The following DENND1A variants were observed in gnomAD, a reference collection of about 807,000 sequenced individuals.
The protein encoded by DENND1A is DENN domain-containing protein 1A.
DENND1A carries 51 observed loss-of-function variants against 113.7 expected under a neutral mutation model. That is an observed-to-expected ratio of 0.45 (90% confidence interval 0.36 to 0.57). The LOEUF is 0.57. Ranked by LOEUF, DENND1A falls within the 20% of genes least tolerant of loss-of-function variation. The probability of loss-of-function intolerance (pLI) is 0.00; values close to 1 mark genes in which losing one functional copy is unlikely to be tolerated. For missense variants in DENND1A, 1,258 were observed against 1,395.9 expected, an observed-to-expected ratio of 0.90 and a Z score of 1.57; for synonymous variants, 565 against 570.8, an observed-to-expected ratio of 0.99 and a Z score of 0.14.
At chr9:123,585,568 G>T (rs1310747767) in intron 11 of DENND1A, among the ~76,000 whole-genome samples, 1 of 152,204 alleles carries the variant, frequency 6.6e-6, no homozygotes, top group East Asian at 1.9e-4. Flanking sequence ...GGACTCTCTA[G>T]CTGGCTCACT....
In DENND1A at chr9:123,434,634, C is replaced by T. The variant is rs762707357; in HGVS notation, c.1488+5726G>A. Among the ~76,000 whole-genome samples, 12 of 152,258 alleles carry T rather than the reference C, an allele frequency of 7.9e-5. 1 individual carries two copies. Among genetic ancestry groups the T allele is most frequent in the Admixed American group, 3.9e-4 (6 of 15,298 alleles). On this transcript the variant is annotated intron_variant, in intron 19 of 23. Transcript: ENST00000394215. ...AATTGCAGGGCTGCGTGACAAGCGG[C>T]GTGTGCATAGTCCTGGGGTAGCACG...
chr9:123,758,462 G>A (rs1365799578), intron 4 of DENND1A, among the ~76,000 whole-genome samples: 1 of 152,176 alleles, frequency 6.6e-6, no homozygotes, highest in African/African-American at 2.4e-5. Context: ...CTTAGTAACT[G>A]AATCACGTTC....
chr9:123,876,461 T>C (rs948440827), intron 2 of DENND1A, among the ~76,000 whole-genome samples: 8 of 152,218 alleles, frequency 5.3e-5, no homozygotes, highest in Admixed American at 6.5e-5. Flanking sequence ...TCTTAGGAGA[T>C]ATATCCAGAA....
At chr9:123,425,104 G>A (rs1420049030) in intron 19 of DENND1A, among the ~76,000 whole-genome samples, 4 of 152,202 alleles carry the variant, frequency 2.6e-5, no homozygotes, top group Non-Finnish European at 5.9e-5. Flanking sequence ...GACTCTCTAA[G>A]GTGATCTCGC....
intron 9 of DENND1A, among the ~76,000 whole-genome samples, chr9:123,643,259 T>G (rs1036056283): frequency 6.6e-6 from 1 of 152,168 alleles, no homozygotes; most frequent in Admixed American, 6.5e-5. Flanking sequence ...GGTGCCAGTT[T>G]ATTTTTTTTG....
intron 13 of DENND1A, among the ~76,000 whole-genome samples, chr9:123,489,759 T>G (rs1284800215): frequency 6.6e-6 from 1 of 152,208 alleles, no homozygotes; most frequent in Non-Finnish European, 1.5e-5. Flanking sequence ...CAAGCTGGTG[T>G]CAGTGAGATA....
chr9:123,480,076 T>C (rs370550713), intron 13 of DENND1A, among the ~76,000 whole-genome samples: 22 of 152,216 alleles, frequency 1.4e-4, no homozygotes, highest in African/African-American at 5.3e-4. Flanking sequence ...AAATACAAAA[T>C]AACAGACCTT....
At chr9:123,688,481 GT>G (rs1342952185) in intron 5 of DENND1A, among the ~76,000 whole-genome samples, 7 of 152,172 alleles carry the variant, frequency 4.6e-5, no homozygotes, top group Non-Finnish European at 7.3e-5. Flanking sequence ...TTGGTCCCTG[GT>G]TTAGATTTGT....
chr9:123,761,331 A>C (rs1449014013), intron 4 of DENND1A, among the ~76,000 whole-genome samples: 2 of 152,244 alleles, frequency 1.3e-5, no homozygotes, highest in African/African-American at 4.8e-5. Flanking sequence ...GAATAAATGG[A>C]AAAGAATTTA....
chr9:123,609,288 C>T (rs1295635721), intron 11 of DENND1A, 148 bp downstream of exon 11: 16 of 709,606 alleles, frequency 2.3e-5, no homozygotes, highest in Admixed American at 3.8e-5. Context: ...GCGTCCAAAC[C>T]GAACGCTCAG....
At chr9:123,456,282 C>A (rs927431500) in intron 15 of DENND1A, among the ~76,000 whole-genome samples, 1 of 152,122 alleles carries the variant, frequency 6.6e-6, no homozygotes, top group Non-Finnish European at 1.5e-5. Context: ...GGCACACACC[C>A]AGCAATAAAA....
chr9:123,657,547 G>A (rs2063020635), intron 8 of DENND1A, among the ~76,000 whole-genome samples: 1 of 152,098 alleles, frequency 6.6e-6, no homozygotes, highest in South Asian at 2.1e-4. Flanking sequence ...TGGAGCCTTC[G>A]AAACAGATGC....
intron 5 of DENND1A, among the ~76,000 whole-genome samples, chr9:123,686,967 G>A (rs1226184222): frequency 6.6e-6 from 1 of 152,130 alleles, no homozygotes; most frequent in South Asian, 2.1e-4. Context: ...CTCTATAAAA[G>A]TGTCTGGCTG....
intron 16 of DENND1A, among the ~76,000 whole-genome samples, chr9:123,452,771 G>A (rs1187681708): frequency 6.6e-6 from 1 of 152,126 alleles, no homozygotes; most frequent in African/African-American, 2.4e-5. Context: ...ACCAAGCCGG[G>A]GCAGAAAGTG....
At chr9:123,435,839 C>T (rs1001718527) in intron 19 of DENND1A, among the ~76,000 whole-genome samples, 3 of 152,216 alleles carry the variant, frequency 2.0e-5, no homozygotes, top group Non-Finnish European at 4.4e-5. Flanking sequence ...CTACTCATTC[C>T]AGCAACGCCG....
intron 5 of DENND1A, among the ~76,000 whole-genome samples, chr9:123,750,726 G>A (rs929507405): frequency 6.6e-6 from 1 of 152,222 alleles, no homozygotes; most frequent in Non-Finnish European, 1.5e-5. Context: ...TAAACGGTAT[G>A]AAAGACCCAG....
At chr9:123,535,065 C>T (rs2055629159) in intron 13 of DENND1A, among the ~76,000 whole-genome samples, 1 of 152,092 alleles carries the variant, frequency 6.6e-6, no homozygotes, top group Non-Finnish European at 1.5e-5. Context: ...ATCCTGTCAC[C>T]TCTACCCAAA....
chr9:123,803,683 T>C (rs1235154551), intron 2 of DENND1A, among the ~76,000 whole-genome samples: 1 of 152,240 alleles, frequency 6.6e-6, no homozygotes, highest in South Asian at 2.1e-4. Context: ...TACCTCTCTA[T>C]AGGATCTTTC....
chr9:123,439,291 C>T (rs2046754478), intron 19 of DENND1A, among the ~76,000 whole-genome samples: 1 of 152,032 alleles, frequency 6.6e-6, no homozygotes, highest in Non-Finnish European at 1.5e-5. Context: ...GATGAACCTC[C>T]CCAAGTTAAA....
Sources: gnomAD v4.1 joint callset for allele counts (sites outside exome capture counted in the v4.1 genomes callset) on GRCh38, gnomAD v4.1.1 for gene constraint, MANE v1.5 for transcripts, NCBI Gene and HGNC (gene_info 2026-07-23, HGNC 2026-07-21) for gene names.